Variants in G2E3 observed in about 807,000 individuals in gnomAD.
The protein encoded by G2E3 is G2/M phase-specific E3 ubiquitin-protein ligase.
In G2E3, 35 loss-of-function variants were observed where a neutral mutation model predicts 92.8. That is an observed-to-expected ratio of 0.38 (90% CI 0.29 to 0.50). The LOEUF (loss-of-function observed/expected upper bound fraction) is 0.50, where lower values mean the gene tolerates loss of function less well. Ranked by LOEUF, G2E3 falls within the 20% of genes least tolerant of loss-of-function variation. The pLI is 0.94. For missense variants in G2E3, 554 were observed against 823.8 expected, an observed-to-expected ratio of 0.67 and a Z score of 4.01; for synonymous variants, 242 against 272.4, an observed-to-expected ratio of 0.89 and a Z score of 1.10.
At chr14:30,567,639 C>T (rs2138772347) in intron 1 of G2E3, among the ~76,000 whole-genome samples, 1 of 151,738 alleles carries the variant, frequency 6.6e-6, no homozygotes, top group South Asian at 2.1e-4. Flanking sequence ...TTTTTTATTA[C>T]ATTATCTGGA....
chr14:30,578,879 T>C (rs1594475271), intron 1 of G2E3, among the ~76,000 whole-genome samples: 1 of 152,344 alleles, frequency 6.6e-6, no homozygotes, highest in African/African-American at 2.4e-5. Context: ...ATATGGATAT[T>C]CAGTTTTTCT....
Position 30,586,714 on chromosome 14 carries a change from T to G in G2E3, c.38-4T>G. ...TTTATATCTATTTACTTTTTCACTG[T>G]TAGCTTGTGTTTTCTGTCGAAAACA... On this transcript the variant is annotated splice_polypyrimidine_tract_variant and splice_region_variant and intron_variant, in intron 2 of 14. Transcript: ENST00000206595. The G allele has an allele frequency of 8.8e-7, 1 of 1,133,670 alleles. No homozygotes were observed. The highest frequency in any genetic ancestry group is 1.3e-6 in the Non-Finnish European group (1 of 790,862). The allele number at this position is 1,133,670 out of a possible 1,614,324, so 70.2% of individuals were successfully genotyped here.
At chr14:30,581,462 TTTA>T in intron 2 of G2E3, among the ~76,000 whole-genome samples, 1 of 152,206 alleles carries the variant, frequency 6.6e-6, no homozygotes, top group Non-Finnish European at 1.5e-5. Context: ...ATTCCAGCAC[TTTA>T]CGAGGCTGAA....
intron 12 of G2E3, 128 bp downstream of exon 12, chr14:30,608,197 G>A: frequency 1.8e-6 from 1 of 555,446 alleles, no homozygotes; most frequent in Non-Finnish European, 3.0e-6. Context: ...ATATATTTCT[G>A]TTTACCAGTG....
intron 12 of G2E3, among the ~76,000 whole-genome samples, chr14:30,609,153 T>G (rs1343916061): frequency 1.3e-5 from 2 of 152,220 alleles, no homozygotes; most frequent in African/African-American, 4.8e-5. Flanking sequence ...CAATTCTGTT[T>G]ATTTGCCCTA....
chr14:30,593,588 A>C lies in G2E3; in HGVS notation c.477A>C (p.Ile159=). The C allele has an allele frequency of 1.2e-6, 2 of 1,606,558 alleles. No homozygotes were observed. Among genetic ancestry groups the C allele is most frequent in the Non-Finnish European group, 8.5e-7 (1 of 1,173,536 alleles). ...EFIEPIPSYN[I]LRSPCCKNAW... is the part of the protein sequence containing the mutation. Reference sequence around the variant, plus strand: ...TTGAGCCTATTCCAAGTTATAACATATTACGAAGTCCTTGTTGTAAGAACG... The same window carrying C: ...TTGAGCCTATTCCAAGTTATAACATCTTACGAAGTCCTTGTTGTAAGAACG... Residue 159 remains isoleucine (I), a synonymous_variant, in exon 6 of 15, where the codon ATA becomes ATC. Transcript: ENST00000206595.
intron 6 of G2E3, among the ~76,000 whole-genome samples, chr14:30,596,135 CGTGTGTGT>C (rs59672554): frequency 0.016 from 2,055 of 127,224 alleles, 66 homozygotes; most frequent in African/African-American, 0.058. Context: ...GGTGGGTGTG[CGTGTGTGT>C]GTGTGTGTGT....
intron 1 of G2E3, among the ~76,000 whole-genome samples, chr14:30,576,081 A>G (rs182009958): frequency 1.4e-4 from 22 of 152,332 alleles, no homozygotes; most frequent in Admixed American, 2.6e-4. Flanking sequence ...AGCAAAAAGA[A>G]CAAAGCTGGA....
chr14:30,600,196 G>A (rs1239262132), intron 8 of G2E3, among the ~76,000 whole-genome samples: 2 of 152,184 alleles, frequency 1.3e-5, no homozygotes, highest in African/African-American at 4.8e-5. Flanking sequence ...ATGAAACAAG[G>A]TTGAGTCAGC....
At chr14:30,603,039 C>CA (rs1162636137) in intron 10 of G2E3, 1 of 152,080 alleles carries the variant, frequency 6.6e-6, no homozygotes, top group African/African-American at 2.4e-5. Flanking sequence ...TCCCATGAGA[C>CA]AAAATAGGCC....
rs112013009 is a variant in G2E3, at chr14:30,580,287, A to G, written c.-4-789A>G. 9.1e-3 allele frequency among the ~76,000 whole-genome samples: 1,380 copies of G among 152,084 alleles called. 24 individuals are homozygous for G. The highest frequency in any genetic ancestry group is 0.031 in the African/African-American group (1,283 of 41,482). On this transcript the variant is annotated intron_variant, in intron 1 of 14. Coordinates refer to ENST00000206595, the MANE Select transcript of G2E3 (RefSeq NM_017769.5). ...AATGGTGTGATCTTGGCTCACTGCA[A>G]CCTCCACCTCCCGAGTTCAAGCAAT...
At chr14:30,596,325 G>A (rs1466319084) in intron 6 of G2E3, among the ~76,000 whole-genome samples, 1 of 151,920 alleles carries the variant, frequency 6.6e-6, no homozygotes, top group Non-Finnish European at 1.5e-5. Context: ...ACTCTTTTTG[G>A]TAGGAGACCA....
intron 1 of G2E3, among the ~76,000 whole-genome samples, chr14:30,570,336 T>G (rs1262153042): frequency 2.6e-5 from 4 of 152,324 alleles, no homozygotes; most frequent in African/African-American, 9.6e-5. Flanking sequence ...TTGAGCTTCT[T>G]AAAAATGTGT....
chr14:30,605,762 C>T lies in G2E3; in HGVS notation c.1268C>T (p.Ser423Leu), dbSNP rs771356730. ...CTCTTAATGCAACATCTTGAGAACT[C>T]ATCATTGTTTGAAGGGTCCTTGTCA... ...LSLLMQHLENSSLFEGSLSKN... is the reference protein window; with the variant it reads ...LSLLMQHLENLSLFEGSLSKN... Residue 423 changes from serine to leucine, a missense_variant, in exon 11 of 15, where the codon TCA becomes TTA. Ser to Leu is a moderately radical substitution (Grantham distance 145, BLOSUM62 -2). Coordinates refer to ENST00000206595, the MANE Select transcript of G2E3 (RefSeq NM_017769.5). 1 of 1,595,534 alleles carries T rather than the reference C, an allele frequency of 6.3e-7. No individual in the cohort carries two copies. Among genetic ancestry groups the T allele is most frequent in the Non-Finnish European group, 8.5e-7 (1 of 1,172,672 alleles).
intron 1 of G2E3, among the ~76,000 whole-genome samples, chr14:30,566,740 A>G (rs229180): frequency 0.01 from 1,587 of 152,288 alleles, 20 homozygotes; most frequent in African/African-American, 0.036. Context: ...AGTGTTGACT[A>G]CAAGTGGTGG....
At chr14:30,582,133 T>C (rs1880468418) in intron 2 of G2E3, among the ~76,000 whole-genome samples, 1 of 152,234 alleles carries the variant, frequency 6.6e-6, no homozygotes. Flanking sequence ...ACTACCTCTA[T>C]GCATTTGCCA....
At chr14:30,590,082 C>G (rs542629908) in intron 4 of G2E3, among the ~76,000 whole-genome samples, 2 of 152,134 alleles carry the variant, frequency 1.3e-5, no homozygotes, top group Admixed American at 6.6e-5. Context: ...AGCCACTATG[C>G]TGTATGCAGG....
intron 1 of G2E3, among the ~76,000 whole-genome samples, chr14:30,578,879 TCA>T (rs1386064639): frequency 6.6e-6 from 1 of 152,226 alleles, no homozygotes; most frequent in Non-Finnish European, 1.5e-5. Context: ...ATATGGATAT[TCA>T]GTTTTTCTTG....
intron 1 of G2E3, among the ~76,000 whole-genome samples, chr14:30,568,485 C>T (rs1879569242): frequency 6.6e-6 from 1 of 151,838 alleles, no homozygotes; most frequent in South Asian, 2.1e-4. Context: ...CATTTCCTTC[C>T]TTATTGCCTT....
Sources: allele counts gnomAD v4.1 joint callset (sites outside exome capture counted in the v4.1 genomes callset), GRCh38; gene constraint gnomAD v4.1.1; transcripts MANE v1.5; gene names NCBI Gene and HGNC (gene_info 2026-07-23, HGNC 2026-07-21).